Variants in TXK observed in about 807,000 individuals in gnomAD.
TXK encodes the protein TXK tyrosine kinase.
A neutral mutation model predicts 81.0 loss-of-function variants in TXK; 60 were observed. The ratio of observed to expected loss-of-function variants is 0.74; its 90% CI spans 0.60 to 0.92. The LOEUF (loss-of-function observed/expected upper bound fraction) is 0.92. Among genes scored for constraint, TXK ranks in the 40% least tolerant of loss-of-function variants. The pLI is 0.00. For missense variants in TXK, 581 were observed against 638.3 expected, an observed-to-expected ratio of 0.91 and a Z score of 0.97; for synonymous variants, 203 against 210.7, an observed-to-expected ratio of 0.96 and a Z score of 0.32.
chr4:48,088,036 A>C (rs1717603108), intron 9 of TXK, among the ~76,000 whole-genome samples: 1 of 152,234 alleles, frequency 6.6e-6, no homozygotes, highest in African/African-American at 2.4e-5. Flanking sequence ...TATGAAGAGA[A>C]TATCCAAATG....
intron 5 of TXK, among the ~76,000 whole-genome samples, chr4:48,109,994 G>A (rs1313100204): frequency 6.6e-6 from 1 of 152,168 alleles, no homozygotes; most frequent in East Asian, 1.9e-4. Flanking sequence ...TAATCTATCA[G>A]TCTTCTCATC....
intron 11 of TXK, among the ~76,000 whole-genome samples, chr4:48,079,033 T>C (rs1215813509): frequency 6.6e-6 from 1 of 152,216 alleles, no homozygotes; most frequent in Non-Finnish European, 1.5e-5. Context: ...TCAAGGCATA[T>C]TTAGAGTAAA....
intron 10 of TXK, among the ~76,000 whole-genome samples, chr4:48,081,758 A>G (rs1717308091): frequency 6.6e-6 from 1 of 152,104 alleles, no homozygotes; most frequent in Non-Finnish European, 1.5e-5. Context: ...ACTTGATCAC[A>G]CCTAATAAAT....
chr4:48,122,813 G>C (rs1718991971), intron 1 of TXK, among the ~76,000 whole-genome samples: 2 of 152,200 alleles, frequency 1.3e-5, no homozygotes, highest in Admixed American at 6.5e-5. Flanking sequence ...ATGGTATTTG[G>C]AACAGAACAA....
At chr4:48,074,848 C>G (rs1336703781) in intron 12 of TXK, among the ~76,000 whole-genome samples, 1 of 152,024 alleles carries the variant, frequency 6.6e-6, no homozygotes, top group East Asian at 1.9e-4. Context: ...AGAGGTCATT[C>G]TACTTAGGTA....
intron 9 of TXK, among the ~76,000 whole-genome samples, chr4:48,087,527 T>C (rs1270553120): frequency 1.3e-5 from 2 of 152,102 alleles, no homozygotes; most frequent in East Asian, 3.9e-4. Context: ...GCTCCACCTC[T>C]TAGGTTCAAG....
At chr4:48,120,175 A>G (rs1266487139) in intron 1 of TXK, among the ~76,000 whole-genome samples, 1 of 94,616 alleles carries the variant, frequency 1.1e-5, no homozygotes, top group African/African-American at 2.7e-5. Context: ...GTATATACGT[A>G]TATGTGTATA....
At chr4:48,090,825 C>A (rs570972465) in intron 8 of TXK, among the ~76,000 whole-genome samples, 2 of 152,330 alleles carry the variant, frequency 1.3e-5, no homozygotes, top group South Asian at 4.1e-4. Context: ...AGAGTGGGTG[C>A]TCAGGGAAGG....
chr4:48,082,602 C>T (rs1039450411), intron 10 of TXK, among the ~76,000 whole-genome samples: 3 of 152,116 alleles, frequency 2.0e-5, no homozygotes, highest in Non-Finnish European at 4.4e-5. Context: ...TAGAAGATGA[C>T]AGTTTCCCCA....
At chr4:48,075,968 T>G (rs1717053835) in intron 12 of TXK, among the ~76,000 whole-genome samples, 1 of 152,112 alleles carries the variant, frequency 6.6e-6, no homozygotes, top group African/African-American at 2.4e-5. Flanking sequence ...ATGGTTAAAT[T>G]TTTCACACTC....
At chr4:48,096,030 GTAT>G (rs1191286329) in intron 6 of TXK, among the ~76,000 whole-genome samples, 1 of 152,176 alleles carries the variant, frequency 6.6e-6, no homozygotes, top group Non-Finnish European at 1.5e-5. Context: ...TAAAGTGCTG[GTAT>G]TATTTACATT....
intron 6 of TXK, among the ~76,000 whole-genome samples, chr4:48,096,772 G>A (rs1455646420): frequency 1.3e-5 from 2 of 152,018 alleles, no homozygotes; most frequent in African/African-American, 4.8e-5. Flanking sequence ...CAAGTGATAT[G>A]CCCACCTCAG....
rs567127624 is a variant in TXK, at chr4:48,073,969, A to T, written c.1323T>A (p.Asn441Lys). The T allele has an allele frequency of 1.2e-6, 2 of 1,613,774 alleles. 1 individual carries two copies. Among genetic ancestry groups the T allele is most frequent in the South Asian group, 2.2e-5 (2 of 91,032 alleles). Residue 441 changes from asparagine (N) to lysine (K), a missense_variant, in exon 13 of 15, where the codon AAT becomes AAA. By Grantham distance (94) the Asn-to-Lys change is moderately conservative (BLOSUM62 0). Transcript: ENST00000264316. ...AGACATCAGATTTACTGCTGTACTT[A>T]TTGAAAAGAAAAACTTCAGGAGGGG... ...KWSPPEVFLF[N>K]KYSSKSDVWS...
intron 4 of TXK, among the ~76,000 whole-genome samples, chr4:48,111,014 A>G (rs937616379): frequency 2.6e-5 from 4 of 152,234 alleles, no homozygotes; most frequent in African/African-American, 4.8e-5. Flanking sequence ...GCAACGCTGT[A>G]AAGAAATCCT....
At chr4:48,111,445 C>A (rs184762231) in intron 4 of TXK, among the ~76,000 whole-genome samples, 22 of 152,084 alleles carry the variant, frequency 1.4e-4, no homozygotes, top group African/African-American at 5.3e-4. Flanking sequence ...TTAATGTTTG[C>A]ATATTATATA....
At chr4:48,087,445 T>TA (rs1717579799) in intron 9 of TXK, among the ~76,000 whole-genome samples, 2 of 151,820 alleles carry the variant, frequency 1.3e-5, no homozygotes, top group African/African-American at 4.8e-5. Context: ...ATTATTATTT[T>TA]TTTTTTTGGA....
intron 9 of TXK, among the ~76,000 whole-genome samples, chr4:48,088,967 C>T (rs191841434): frequency 1.5e-4 from 23 of 152,264 alleles, no homozygotes; most frequent in African/African-American, 4.8e-4. Context: ...CTGGCACTTA[C>T]GTATTCTCAC....
intron 10 of TXK, 99 bp downstream of exon 10, chr4:48,086,367 T>C: frequency 7.9e-7 from 1 of 1,257,870 alleles, no homozygotes; most frequent in Middle Eastern, 2.0e-4. Flanking sequence ...TTGAGCAAAG[T>C]TGTGACACAA....
At chr4:48,131,202 T>A (rs945476438) in intron 1 of TXK, among the ~76,000 whole-genome samples, 7 of 152,172 alleles carry the variant, frequency 4.6e-5, no homozygotes, top group South Asian at 4.2e-4. Flanking sequence ...ATGATCAATA[T>A]CCCACGCTCC....
Sources: gnomAD v4.1 joint callset for allele counts (sites outside exome capture counted in the v4.1 genomes callset) on GRCh38, gnomAD v4.1.1 for gene constraint, MANE v1.5 for transcripts, NCBI Gene and HGNC (gene_info 2026-07-23, HGNC 2026-07-21) for gene names.